Variants in MUS81 observed in about 807,000 individuals in gnomAD.
The protein encoded by MUS81 is MUS81 structure-specific endonuclease subunit.
MUS81 carries 69 observed loss-of-function variants against 74.2 expected under a neutral mutation model. The ratio of observed to expected loss-of-function variants is 0.93; its 90% CI spans 0.77 to 1.14. MUS81 has a LOEUF of 1.14. Ranked by LOEUF, MUS81 falls within the 50% of genes most tolerant of loss-of-function variation. The pLI is 0.00. For synonymous variants in MUS81, 303 were observed against 300.6 expected, an observed-to-expected ratio of 1.01 and a Z score of -0.08; for missense variants, 711 against 726.5, an observed-to-expected ratio of 0.98 and a Z score of 0.25.
At chr11:65,867,558 T>C (rs1859876145), downstream of MUS81, 2 of 479,492 alleles carry the variant, frequency 4.2e-6, no homozygotes, top group Admixed American at 6.7e-5. Flanking sequence ...TAGCAAGGAG[T>C]GGACTTTCTG....
intron 3 of MUS81, 144 bp downstream of exon 3, chr11:65,861,579 G>C (rs1859607760): frequency 4.5e-6 from 3 of 661,446 alleles, no homozygotes. Context: ...TTTCGACTTA[G>C]TATTTTAACC....
In MUS81 at chr11:65,862,915, G is replaced by T. The variant is rs1253858814; in HGVS notation, c.606-150G>T. ...GCAGGCCCAAGGAACTGCTCTAAGA[G>T]CCAAGAAGACCAGGAGGAGCAGGAG... On this transcript the variant is annotated intron_variant, in intron 6 of 15. Transcript: ENST00000308110. The T allele has an allele frequency of 3.1e-6, 3 of 963,646 alleles. No individual in the cohort carries two copies. The South Asian group carries it at 4.4e-5, about 14-fold the overall frequency. 59.7% of individuals were successfully genotyped at this position (963,646 alleles called of 1,614,324 possible). A position where few individuals can be genotyped will look rare whatever the true frequency, so the allele number is the denominator to read the frequency against.
chr11:65,861,363 G>A lies in MUS81; in HGVS notation c.279G>A (p.Pro93=). The stretch of plus-strand genomic sequence containing the variant: ...TCTCTCCCGCAGGTGACCATGCCCC[G>A]GACTCACCATCTGGAGAGAACAGTC... ...RHRTSGGDHA[P]DSPSGENSPA... Residue 93 remains proline (P), a synonymous_variant, in exon 3 of 16, where the codon CCG becomes CCA. Coordinates refer to ENST00000308110, the MANE Select transcript of MUS81 (RefSeq NM_025128.5). The A allele has an allele frequency of 6.3e-7, 1 of 1,599,004 alleles. No individual in the cohort carries two copies. Among genetic ancestry groups the A allele is most frequent in the East Asian group, 2.3e-5 (1 of 44,358 alleles).
rs1411108998 is a variant in MUS81 at position 65,865,229 on chromosome 11, G to A, written c.1411G>A (p.Val471Met). The A allele has an allele frequency of 6.2e-7, 1 of 1,614,170 alleles. No homozygotes were observed. The highest frequency in any genetic ancestry group is 1.7e-5 in the Admixed American group (1 of 60,030). ...CCTTTCCCGAACCCAGGCCCAGTCGGTGCGAGAAGTGTTTGCCCGGCAGCT... is the reference window on the plus strand; with the variant it reads ...CCTTTCCCGAACCCAGGCCCAGTCGATGCGAGAAGTGTTTGCCCGGCAGCT... ...AGAIKNKAQS[V>M]REVFARQLMQ... Residue 471 changes from valine to methionine, a missense_variant, in exon 14 of 16, where the codon GTG becomes ATG. Transcript: ENST00000308110.
At chr11:65,860,207 C>T, upstream of MUS81, 1 of 454,136 alleles carries the variant, frequency 2.2e-6, no homozygotes. Context: ...AATACGTTTG[C>T]ACCCGTTTGT....
At position 65,865,821 on chromosome 11, in the gene MUS81, G is replaced by A. The variant is rs199586046; in HGVS notation, c.1516G>A (p.Ala506Thr). 4.5e-5 allele frequency: 73 copies of A among 1,613,842 alleles called. No homozygotes were observed. Among genetic ancestry groups the A allele is most frequent in the Admixed American group, 2.5e-4 (15 of 60,004 alleles). ...RYSTPASLLA[A>T]YDACATPKEQ... Reference sequence around the variant, plus strand: ...ACCCCTGCCCCCCAGCCTCCTGGCCGCCTATGATGCCTGTGCCACCCCCAA... The same window carrying A: ...ACCCCTGCCCCCCAGCCTCCTGGCCACCTATGATGCCTGTGCCACCCCCAA... The change falls in exon 15 of 16, where the codon GCC becomes ACC. Residue 506 changes from alanine to threonine, a missense_variant. Physicochemically the swap from Ala to Thr is moderately conservative, Grantham distance 58. Transcript: ENST00000308110.
rs1021968081 is a variant in MUS81 at position 65,866,010 on chromosome 11, G to A, written c.1614G>A (p.Arg538=). The A allele has an allele frequency of 6.2e-7, 1 of 1,614,046 alleles. No homozygotes were observed. The highest frequency in any genetic ancestry group is 8.5e-7 in the Non-Finnish European group (1 of 1,179,972). Residue 538 remains arginine (R), a synonymous_variant, in exon 16 of 16, where the codon AGG becomes AGA. Transcript: ENST00000308110. ...LQRNLGPALS[R]TLSQLYCSYG... Reference sequence around the variant, plus strand: ...GGAATCTGGGGCCTGCTCTGAGCAGGACCTTATCCCAGCTCTACTGCAGCT... The same window carrying A: ...GGAATCTGGGGCCTGCTCTGAGCAGAACCTTATCCCAGCTCTACTGCAGCT...
Position 65,860,548 on chromosome 11 carries a change from A to G in MUS81, c.-206A>G. 1 of 647,984 alleles carries G rather than the reference A, an allele frequency of 1.5e-6. No individual in the cohort carries two copies. Among genetic ancestry groups the G allele is most frequent in the East Asian group, 2.8e-5 (1 of 36,288 alleles). The allele number at this position is 647,984 out of a possible 1,614,324, so 40.1% of individuals were successfully genotyped here. A position where few individuals can be genotyped will look rare whatever the true frequency, so the allele number is the denominator to read the frequency against. On this transcript the variant is annotated 5_prime_UTR_variant, in exon 1 of 16. Coordinates refer to ENST00000308110, the MANE Select transcript of MUS81 (RefSeq NM_025128.5). ...AGACAGCGCCCCTGACCAACCACTTAGAGCAGCGCAGGGGTGGGAGGGCGG... is the reference window on the plus strand; with the variant it reads ...AGACAGCGCCCCTGACCAACCACTTGGAGCAGCGCAGGGGTGGGAGGGCGG...
chr11:65,866,151 G>T lies in MUS81; in HGVS notation c.*99G>T. ...TTTGGGGTACAATTAGAATCTAAGTGTTTGCAGCCATATGTGTCATGTAGA... is the reference window on the plus strand; with the variant it reads ...TTTGGGGTACAATTAGAATCTAAGTTTTTGCAGCCATATGTGTCATGTAGA... On this transcript the variant is annotated 3_prime_UTR_variant, in exon 16 of 16. Transcript: ENST00000308110. 3 of 1,205,010 alleles carry T rather than the reference G, an allele frequency of 2.5e-6. No homozygotes were observed. The South Asian group carries it at 4.3e-5, about 17-fold the overall frequency. The allele number at this position is 1,205,010 out of a possible 1,614,324, so 74.6% of individuals were successfully genotyped here. A position where few individuals can be genotyped will look rare whatever the true frequency, so the allele number is the denominator to read the frequency against.
In MUS81 at chr11:65,863,675, T is replaced by TG. The variant is rs1859704069; in HGVS notation, c.917dup (p.Asp307ArgfsTer12). 1.2e-6 allele frequency: 2 copies of TG among 1,613,412 alleles called. No homozygotes were observed. Among genetic ancestry groups the TG allele is most frequent in the Non-Finnish European group, 1.7e-6 (2 of 1,179,780 alleles). ...CCCACACGGTGCGCAAGCTGCACGT[T>TG]GGAGATTTTGTGTGGGTGGCCCAGG... On this transcript the variant is annotated frameshift_variant, in exon 9 of 16. Coordinates refer to ENST00000308110, the MANE Select transcript of MUS81 (RefSeq NM_025128.5). LOFTEE classifies it high-confidence loss of function.
At chr11:65,862,598 A>G in intron 6 of MUS81, 69 bp downstream of exon 6, 1 of 1,392,606 alleles carries the variant, frequency 7.2e-7, no homozygotes, top group South Asian at 1.2e-5. Context: ...GAGTCACCCA[A>G]CAACTCCCAG....
intron 11 of MUS81, 36 bp downstream of exon 11, chr11:65,864,649 G>A: frequency 6.2e-7 from 1 of 1,611,910 alleles, no homozygotes; most frequent in Non-Finnish European, 8.5e-7. Context: ...AGGCAGGCAG[G>A]GGCCCCTGTG....
In MUS81 at chr11:65,865,740, C is replaced by T. The variant is rs1214674361; in HGVS notation, c.1506-71C>T. On this transcript the variant is annotated intron_variant, in intron 14 of 15. Transcript: ENST00000308110. ...CTTCCATCCCATGCTGACCCCTCTG[C>T]CTGGCCCCTCATGGTGCTGGCCCAG... 4 of 1,478,642 alleles carry T rather than the reference C, an allele frequency of 2.7e-6. No individual in the cohort carries two copies. In the East Asian group the frequency reaches 6.8e-5, roughly 25 times the overall value. 91.6% of individuals were successfully genotyped at this position (1,478,642 alleles called of 1,614,324 possible). A position where few individuals can be genotyped will look rare whatever the true frequency, so the allele number is the denominator to read the frequency against.
At chr11:65,867,425 G>A, downstream of MUS81, 1 of 439,884 alleles carries the variant, frequency 2.3e-6, no homozygotes, top group South Asian at 2.2e-5. Context: ...ATTTCAAAAA[G>A]AAAGAGAAGG....
In MUS81 at chr11:65,863,421, C is replaced by T. The variant is rs1859689667; in HGVS notation, c.758C>T (p.Ala253Val). 2 of 1,614,112 alleles carry T rather than the reference C, an allele frequency of 1.2e-6. No homozygotes were observed. The highest frequency in any genetic ancestry group is 1.7e-6 in the Non-Finnish European group (2 of 1,180,006). Residue 253 changes from alanine (A) to valine (V), a missense_variant, in exon 8 of 16, where the codon GCA becomes GTA. Physicochemically the swap from Ala to Val is moderately conservative, Grantham distance 64. Coordinates refer to ENST00000308110, the MANE Select transcript of MUS81 (RefSeq NM_025128.5). ...CACCCCCCACTTAGTGCCAGTGAAG[C>T]AGGGGTCCAGCAGCAGCCACTGGAG... Reference protein sequence around the residue: ...GAASAELASEAGVQQQPLELR... With the variant: ...GAASAELASEVGVQQQPLELR...
chr11:65,861,087 C>T lies in MUS81; in HGVS notation c.250C>T (p.His84Tyr), dbSNP rs1859582716. The T allele has an allele frequency of 6.2e-7, 1 of 1,612,566 alleles. No homozygotes were observed. Among genetic ancestry groups the T allele is most frequent in the Admixed American group, 1.7e-5 (1 of 60,034 alleles). ...CRMLDERLQR[H>Y]RTSGGDHAPD... The stretch of plus-strand genomic sequence containing the variant: ...GATGCTGGACGAGCGGCTGCAGCGG[C>T]ACCGAACATCGGGCGGTGAGCGCCT... The change falls in exon 2 of 16, where the codon CAC (histidine) becomes TAC (tyrosine). Residue 84 changes from histidine to tyrosine, a missense_variant. By Grantham distance (83) the His-to-Tyr change is moderately conservative. Coordinates refer to ENST00000308110, the MANE Select transcript of MUS81 (RefSeq NM_025128.5).
chr11:65,861,422 A>C lies in MUS81; in HGVS notation c.338A>C (p.Asp113Ala), dbSNP rs1353966876. The change falls in exon 3 of 16, where the codon GAC (aspartate) becomes GCC (alanine). Residue 113 changes from aspartate (D) to alanine (A), a missense_variant. By Grantham distance (126) the Asp-to-Ala change is moderately radical. Coordinates refer to ENST00000308110, the MANE Select transcript of MUS81 (RefSeq NM_025128.5). ...CAGGGGCGACTTGCGGAAGTCCAGGACTCTTCCATGCCAGTGAGGAAGGGG... is the reference window on the plus strand; with the variant it reads ...CAGGGGCGACTTGCGGAAGTCCAGGCCTCTTCCATGCCAGTGAGGAAGGGG... The part of the protein sequence containing the change: ...APQGRLAEVQ[D>A]SSMPVPAQPK... 2 of 1,601,954 alleles carry C rather than the reference A, an allele frequency of 1.2e-6. No homozygotes were observed. Among genetic ancestry groups the C allele is most frequent in the Non-Finnish European group, 1.7e-6 (2 of 1,173,254 alleles).
chr11:65,863,254 A>G, intron 7 of MUS81, 49 bp downstream of exon 7: 1 of 1,587,448 alleles, frequency 6.3e-7, no homozygotes. Context: ...AGGGGATGGG[A>G]AATGAGGCCA....
chr11:65,865,003 C>T lies in MUS81; in HGVS notation c.1273-14C>T, dbSNP rs761800793. Reference sequence around the variant, plus strand: ...TTCGAGCTCCAGCCTGGCCTCAGTCCCTTCTTCCCTCAGGGCCACACCCTA... The same window carrying T: ...TTCGAGCTCCAGCCTGGCCTCAGTCTCTTCTTCCCTCAGGGCCACACCCTA... On this transcript the variant is annotated splice_polypyrimidine_tract_variant and intron_variant, in intron 12 of 15. Coordinates refer to ENST00000308110, the MANE Select transcript of MUS81 (RefSeq NM_025128.5). 2.5e-6 allele frequency: 4 copies of T among 1,612,818 alleles called. No individual in the cohort carries two copies. Among genetic ancestry groups the T allele is most frequent in the Non-Finnish European group, 3.4e-6 (4 of 1,179,932 alleles).
Sources: gnomAD v4.1 joint callset for allele counts on GRCh38, gnomAD v4.1.1 for gene constraint, MANE v1.5 for transcripts, NCBI Gene and HGNC (gene_info 2026-07-23, HGNC 2026-07-21) for gene names.